PARD3B: variants seen among roughly 807,000 people sequenced by gnomAD.
PARD3B encodes partitioning defective 3 homolog B.
In PARD3B, 103 loss-of-function variants were observed where a neutral mutation model predicts 130.2. The observed-to-expected ratio is 0.79, with a 90% CI of 0.67 to 0.93. PARD3B has a LOEUF of 0.93. Among genes scored for constraint, PARD3B ranks in the 40% least tolerant of loss-of-function variants. The pLI, the probability that PARD3B is intolerant of heterozygous loss-of-function variation, is 0.00. For missense variants in PARD3B, 1,609 were observed against 1,499.2 expected (o/e 1.07, Z -1.21); for synonymous variants, 583 against 553.2 (o/e 1.05, Z -0.76).
In PARD3B at chr2:204,812,272, G is replaced by A. The variant is rs192349536; in HGVS notation, c.222+125990G>A. ...GTTTGATTGTCCATATGTTAGCAAC[G>A]GTGAATCCACATGGGTCTGCAGCAG... is the stretch of plus-strand genomic sequence containing the variant. On this transcript the variant is annotated intron_variant, in intron 2 of 22. Coordinates refer to ENST00000406610, the MANE Select transcript of PARD3B (RefSeq NM_001302769.2). 9.2e-4 allele frequency among the ~76,000 whole-genome samples: 140 copies of A among 152,154 alleles called. 2 individuals are homozygous for A. The highest frequency in any genetic ancestry group is 1.9e-4 in the Non-Finnish European group (13 of 68,010).
intron 21 of PARD3B, among the ~76,000 whole-genome samples, chr2:205,519,003 T>C (rs2050914110): frequency 6.6e-6 from 1 of 152,190 alleles, no homozygotes; most frequent in African/African-American, 2.4e-5. Context: ...CCTTTCTCTC[T>C]AGCTGCTTTT....
intron 15 of PARD3B, among the ~76,000 whole-genome samples, chr2:205,239,890 C>T (rs1042766237): frequency 3.9e-5 from 6 of 152,078 alleles, no homozygotes; most frequent in African/African-American, 9.7e-5. Flanking sequence ...ATGTTTGCAC[C>T]ATTATACTAA....
rs1309452154 is a variant in PARD3B, at chr2:204,898,996, C to G, written c.223-66156C>G. ...CTATCTTTTTCCATCCCTTTATTTTCAGTTTTTGTGTGTCTTTACAGGTGA... is the reference window on the plus strand; with the variant it reads ...CTATCTTTTTCCATCCCTTTATTTTGAGTTTTTGTGTGTCTTTACAGGTGA... On this transcript the variant is annotated intron_variant, in intron 2 of 22. Coordinates refer to ENST00000406610, the MANE Select transcript of PARD3B (RefSeq NM_001302769.2). Among the ~76,000 whole-genome samples, 6 of 150,940 alleles carry G rather than the reference C, an allele frequency of 4.0e-5. 1 individual carries two copies. The South Asian group carries it at 1.3e-3, about 32-fold the overall frequency.
intron 20 of PARD3B, among the ~76,000 whole-genome samples, chr2:205,453,482 A>G (rs1329176968): frequency 6.6e-6 from 1 of 152,176 alleles, no homozygotes; most frequent in African/African-American, 2.4e-5. Context: ...GCATGTTCAG[A>G]TGTGTGCTTT....
Position 205,366,080 on chromosome 2 carries a change from C to A in PARD3B, c.2631-34933C>A, listed in dbSNP as rs546935886. Among the ~76,000 whole-genome samples, 2 of 151,156 alleles carry A rather than the reference C, an allele frequency of 1.3e-5. No individual in the cohort carries two copies. The highest frequency in any genetic ancestry group is 4.2e-4 in the South Asian group (2 of 4,720). ...CCCATCTATCCCCCCACTCATCCAT[C>A]CATCCGTTTATCCATCCATTCATCC... On this transcript the variant is annotated intron_variant, in intron 18 of 22. Coordinates refer to ENST00000406610, the MANE Select transcript of PARD3B (RefSeq NM_001302769.2). This position sits in a 1 kb window ranked among gnomAD's most constrained non-coding sequence, Gnocchi z 5.0.
At chr2:204,879,416 G>A (rs2125665327) in intron 2 of PARD3B, among the ~76,000 whole-genome samples, 1 of 152,286 alleles carries the variant, frequency 6.6e-6, no homozygotes, top group East Asian at 1.9e-4. Context: ...AGGTCATAGA[G>A]CTCTGGACTG....
intron 3 of PARD3B, among the ~76,000 whole-genome samples, chr2:205,045,112 G>GTTTT: frequency 7.2e-6 from 1 of 138,584 alleles, no homozygotes. Context: ...CCATCTTAAA[G>GTTTT]TTTTTTTTTT....
intron 1 of PARD3B, among the ~76,000 whole-genome samples, chr2:204,588,620 A>T (rs1451881985): frequency 6.6e-6 from 1 of 152,204 alleles, no homozygotes; most frequent in Non-Finnish European, 1.5e-5. Context: ...ATCCTACAAT[A>T]GTTCAATGAA....
At chr2:204,999,203 C>G (rs1290626470) in intron 3 of PARD3B, among the ~76,000 whole-genome samples, 4 of 151,678 alleles carry the variant, frequency 2.6e-5, no homozygotes, top group African/African-American at 9.7e-5. Flanking sequence ...TCTTTTCAAC[C>G]CTAAAATCCA....
intron 1 of PARD3B, among the ~76,000 whole-genome samples, chr2:204,642,343 C>A (rs1019280811): frequency 3.3e-5 from 5 of 152,136 alleles, no homozygotes; most frequent in Admixed American, 3.3e-4. Context: ...TAGGCTTTTA[C>A]CATGCTGTTC....
chr2:205,480,177 T>C (rs969055039), intron 20 of PARD3B, among the ~76,000 whole-genome samples: 8 of 152,158 alleles, frequency 5.3e-5, no homozygotes, highest in Non-Finnish European at 1.0e-4. Flanking sequence ...AGTGCTGGGA[T>C]TATAGGCATG....
chr2:204,827,046 G>A (rs950634532), intron 2 of PARD3B, among the ~76,000 whole-genome samples: 4 of 152,052 alleles, frequency 2.6e-5, no homozygotes, highest in Non-Finnish European at 4.4e-5. Flanking sequence ...TATTCTCATA[G>A]GTTTTCGTTC....
chr2:204,568,642 T>A (rs2031815557), intron 1 of PARD3B, among the ~76,000 whole-genome samples: 1 of 152,136 alleles, frequency 6.6e-6, no homozygotes, highest in Non-Finnish European at 1.5e-5. Flanking sequence ...TTACAAGAAA[T>A]TATTGAAATT....
intron 2 of PARD3B, among the ~76,000 whole-genome samples, chr2:204,896,967 G>A (rs191254983): frequency 2.5e-3 from 374 of 152,260 alleles, no homozygotes; most frequent in Middle Eastern, 6.8e-3. Context: ...GTACAGCAGA[G>A]CGGGGTTAAA....
intron 4 of PARD3B, among the ~76,000 whole-genome samples, chr2:205,061,733 A>G (rs566312310): frequency 6.6e-6 from 1 of 151,876 alleles, no homozygotes; most frequent in Non-Finnish European, 1.5e-5. Flanking sequence ...TCCAAAGTCG[A>G]GCATTAAATG....
intron 19 of PARD3B, among the ~76,000 whole-genome samples, chr2:205,427,390 TAAAC>T (rs1228186346): frequency 1.3e-5 from 2 of 152,300 alleles, no homozygotes; most frequent in Admixed American, 6.5e-5. Flanking sequence ...ACTCGTTAAA[TAAAC>T]AAAAGCATGT....
intron 1 of PARD3B, among the ~76,000 whole-genome samples, chr2:204,590,441 A>G (rs751240581): frequency 6.6e-6 from 1 of 152,192 alleles, no homozygotes; most frequent in Admixed American, 6.5e-5. Flanking sequence ...GTGCAAATGG[A>G]CCTGTCTTTA....
Position 205,575,722 on chromosome 2 carries a change from G to A in PARD3B, c.3260+22319G>A, listed in dbSNP as rs2053735694. 3.9e-5 allele frequency among the ~76,000 whole-genome samples: 6 copies of A among 151,978 alleles called. No individual in the cohort carries two copies. Among genetic ancestry groups the A allele is most frequent in the Admixed American group, 3.9e-4 (6 of 15,248 alleles). On this transcript the variant is annotated intron_variant, in intron 22 of 22. Coordinates refer to ENST00000406610, the MANE Select transcript of PARD3B (RefSeq NM_001302769.2). This position sits in a 1 kb window ranked among gnomAD's most constrained non-coding sequence, Gnocchi z 4.6. ...GGCTTGATAGCTCATTTCTTTCTAAGGCTGAATAATATTCCAGTGTTTGGT... is the reference window on the plus strand; with the variant it reads ...GGCTTGATAGCTCATTTCTTTCTAAAGCTGAATAATATTCCAGTGTTTGGT...
intron 1 of PARD3B, among the ~76,000 whole-genome samples, chr2:204,595,706 A>C (rs999975982): frequency 4.6e-5 from 7 of 152,240 alleles, no homozygotes; most frequent in African/African-American, 1.7e-4. Flanking sequence ...CAGAAAAGTC[A>C]AGTATGATTT....
Sources: gnomAD v4.1 joint callset for allele counts (sites outside exome capture counted in the v4.1 genomes callset) on GRCh38, gnomAD v4.1.1 for gene constraint, Gnocchi (gnomAD v3.1) non-coding constraint, MANE v1.5 for transcripts, NCBI Gene and HGNC (gene_info 2026-07-23, HGNC 2026-07-21) for gene names.